PADI1: variants seen among roughly 807,000 people sequenced by gnomAD.
PADI1 encodes the protein peptidyl arginine deiminase 1.
A neutral mutation model predicts 74.8 loss-of-function variants in PADI1; 65 were observed. That is an observed-to-expected ratio of 0.87 (90% CI 0.71 to 1.07). The LOEUF is 1.07. Among genes scored for constraint, PADI1 ranks in the 50% least tolerant of loss-of-function variants. The probability of loss-of-function intolerance (pLI) is 0.00; values close to 1 mark genes in which losing one functional copy is unlikely to be tolerated. For missense variants in PADI1, 943 were observed against 854.0 expected, an observed-to-expected ratio of 1.10 and a Z score of -1.30; for synonymous variants, 371 against 336.2, an observed-to-expected ratio of 1.10 and a Z score of -1.13.
chr1:17,205,231 G>T lies in PADI1; in HGVS notation c.14G>T (p.Arg5Ile), dbSNP rs760564821. The T allele has an allele frequency of 3.0e-5, 49 of 1,613,960 alleles. No individual in the cohort carries two copies. The highest frequency in any genetic ancestry group is 4.4e-5 in the South Asian group (4 of 91,070). MAPK[R>I]VVQLSLKMPT... ...CCAGGTGACAGGATGGCCCCAAAGAGAGTTGTGCAGCTGTCCCTGAAGATG... is the reference window on the plus strand; with the variant it reads ...CCAGGTGACAGGATGGCCCCAAAGATAGTTGTGCAGCTGTCCCTGAAGATG... Residue 5 changes from arginine (R) to isoleucine (I), a missense_variant, in exon 1 of 16, where the codon AGA (arginine) becomes ATA (isoleucine). Physicochemically the swap from Arg to Ile is moderately conservative, Grantham distance 97. Coordinates refer to ENST00000375471, the MANE Select transcript of PADI1 (RefSeq NM_013358.3).
At chr1:17,223,351 G>A (rs913286542) in intron 2 of PADI1, 10 of 475,386 alleles carry the variant, frequency 2.1e-5, no homozygotes, top group Non-Finnish European at 3.4e-5. Flanking sequence ...GCTGGGAGCT[G>A]CCCCACCTTT....
In PADI1 at chr1:17,237,293, C is replaced by T. The variant is rs764784748; in HGVS notation, c.1314-21C>T. 1.7e-5 allele frequency: 27 copies of T among 1,588,752 alleles called. No homozygotes were observed. The African/African-American group carries it at 2.4e-4, about 14-fold the overall frequency. On this transcript the variant is annotated intron_variant, in intron 11 of 15. Coordinates refer to ENST00000375471, the MANE Select transcript of PADI1 (RefSeq NM_013358.3). The stretch of plus-strand genomic sequence containing the variant: ...GCCTCTCAGGCACAAGGTGACTGCC[C>T]GCCCTCTCCCTCCTGGCCAGGTCCG...
At chr1:17,219,367 G>A (rs551899248) in intron 1 of PADI1, among the ~76,000 whole-genome samples, 2 of 152,186 alleles carry the variant, frequency 1.3e-5, no homozygotes, top group Non-Finnish European at 2.9e-5. Context: ...TGGGCTGAAG[G>A]TTTGGTTGCA....
intron 1 of PADI1, among the ~76,000 whole-genome samples, chr1:17,215,169 C>T (rs530957118): frequency 6.6e-6 from 1 of 152,254 alleles, no homozygotes; most frequent in Admixed American, 6.5e-5. Flanking sequence ...CCTGACCCCT[C>T]TAGGCACTGC....
intron 1 of PADI1, among the ~76,000 whole-genome samples, chr1:17,217,337 C>T (rs142894268): frequency 6.6e-6 from 1 of 152,208 alleles, no homozygotes; most frequent in East Asian, 1.9e-4. Flanking sequence ...TCTCCTAGAC[C>T]AGTTCAGGGC....
At chr1:17,210,322 A>G (rs1475462369) in intron 1 of PADI1, among the ~76,000 whole-genome samples, 1 of 151,894 alleles carries the variant, frequency 6.6e-6, no homozygotes, top group East Asian at 1.9e-4. Flanking sequence ...GCGCCCGGCC[A>G]ATTTTTTTCC....
Position 17,237,306 on chromosome 1 carries a change from C to T in PADI1, c.1314-8C>T. On this transcript the variant is annotated splice_region_variant and splice_polypyrimidine_tract_variant and intron_variant, in intron 11 of 15. Transcript: ENST00000375471. ...AAGGTGACTGCCCGCCCTCTCCCTC[C>T]TGGCCAGGTCCGGTGGGCGGCAGAT... The T allele has an allele frequency of 6.2e-7, 1 of 1,604,224 alleles. No individual in the cohort carries two copies. The highest frequency in any genetic ancestry group is 1.3e-5 in the African/African-American group (1 of 74,664).
intron 1 of PADI1, among the ~76,000 whole-genome samples, chr1:17,219,422 A>G (rs2072072712): frequency 1.3e-5 from 2 of 152,092 alleles, no homozygotes; most frequent in Non-Finnish European, 1.5e-5. Flanking sequence ...GCGGTGTCCG[A>G]GTGGGTTGCT....
At chr1:17,227,417 G>C (rs575556019) in intron 6 of PADI1, among the ~76,000 whole-genome samples, 2 of 151,068 alleles carry the variant, frequency 1.3e-5, no homozygotes, top group African/African-American at 4.9e-5. Context: ...TGTAGTCCCA[G>C]CTACTCTGAA....
At chr1:17,240,259 A>C (rs1464087472) in intron 14 of PADI1, 1 of 239,270 alleles carries the variant, frequency 4.2e-6, no homozygotes, top group East Asian at 9.3e-5. Flanking sequence ...GTCGGTGCTC[A>C]GTTAATGGCA....
intron 1 of PADI1, among the ~76,000 whole-genome samples, chr1:17,216,692 G>A (rs534600833): frequency 2.6e-3 from 402 of 152,148 alleles, no homozygotes; most frequent in Non-Finnish European, 4.3e-3. Flanking sequence ...CCAACATGGC[G>A]AAACCCCATC....
At position 17,223,654 on chromosome 1, in the gene PADI1, C is replaced by G; in HGVS notation, c.307C>G (p.Gln103Glu). ...RVSYFGEQED[Q>E]ALGRSVLYLT... ...CTCCTACTTTGGGGAGCAGGAAGAC[C>G]AAGCTCTGGGCCGCAGCGTGCTTTA... is the stretch of plus-strand genomic sequence containing the variant. The change falls in exon 3 of 16, where the codon CAA (glutamine) becomes GAA (glutamate). Residue 103 changes from glutamine (Q) to glutamate (E), a missense_variant. By Grantham distance (29) the Gln-to-Glu change is conservative. Transcript: ENST00000375471. The G allele has an allele frequency of 6.2e-7, 1 of 1,614,102 alleles. No homozygotes were observed. Among genetic ancestry groups the G allele is most frequent in the Non-Finnish European group, 8.5e-7 (1 of 1,179,994 alleles).
Position 17,230,684 on chromosome 1 carries a change from G to A in PADI1, c.1161+5G>A, listed in dbSNP as rs367865396. ...TTCCCCTATAAGAGGATCCTGGTACGTAGCGACAGGTAGAGTGCAGAAACC... is the reference window on the plus strand; with the variant it reads ...TTCCCCTATAAGAGGATCCTGGTACATAGCGACAGGTAGAGTGCAGAAACC... On this transcript the variant is annotated splice_donor_5th_base_variant and intron_variant, in intron 10 of 15. Transcript: ENST00000375471. 56 of 1,524,894 alleles carry A rather than the reference G, an allele frequency of 3.7e-5. No individual in the cohort carries two copies. The highest frequency in any genetic ancestry group is 4.8e-5 in the Non-Finnish European group (53 of 1,103,172). 94.5% of individuals were successfully genotyped at this position (1,524,894 alleles called of 1,614,324 possible). A position where few individuals can be genotyped will look rare whatever the true frequency, so the allele number is the denominator to read the frequency against.
At chr1:17,226,779 G>A (rs1386906962) in intron 6 of PADI1, among the ~76,000 whole-genome samples, 2 of 152,098 alleles carry the variant, frequency 1.3e-5, no homozygotes, top group African/African-American at 4.8e-5. Context: ...GCCGGGCACG[G>A]TGGCTCACAC....
chr1:17,228,490 A>G (rs964570473), intron 6 of PADI1, 135 bp from the exon 7 acceptor site: 130 of 812,196 alleles, frequency 1.6e-4, no homozygotes, highest in African/African-American at 3.4e-5. Context: ...AGCTAAGGCC[A>G]TGCAGCTTGC....
intron 11 of PADI1, among the ~76,000 whole-genome samples, chr1:17,235,052 G>A (rs1452353442): frequency 6.6e-6 from 1 of 151,640 alleles, no homozygotes; most frequent in African/African-American, 2.4e-5. Flanking sequence ...AGGAGGCAGA[G>A]GTTGCGCTGA....
intron 1 of PADI1, among the ~76,000 whole-genome samples, chr1:17,210,625 C>A (rs192128454): frequency 7.9e-5 from 12 of 152,106 alleles, no homozygotes; most frequent in African/African-American, 2.6e-4. Context: ...CATAAGGCAC[C>A]CACTAGTGTG....
rs139040453 is a variant in PADI1 at position 17,227,822 on chromosome 1, A to G, written c.653-803A>G. Among the ~76,000 whole-genome samples, 104 of 152,344 alleles carry G rather than the reference A, an allele frequency of 6.8e-4. No homozygotes were observed. The Middle Eastern group carries it at 0.02, about 30-fold the overall frequency. Reference sequence around the variant, plus strand: ...ACCAGGGCGTAAGCAAAGTCTCGACAAGTGAATGGATAGCCTCTCTTGCCG... The same window carrying G: ...ACCAGGGCGTAAGCAAAGTCTCGACGAGTGAATGGATAGCCTCTCTTGCCG... On this transcript the variant is annotated intron_variant, in intron 6 of 15. Coordinates refer to ENST00000375471, the MANE Select transcript of PADI1 (RefSeq NM_013358.3).
At chr1:17,218,664 A>G (rs2072044749) in intron 1 of PADI1, among the ~76,000 whole-genome samples, 1 of 152,160 alleles carries the variant, frequency 6.6e-6, no homozygotes, top group South Asian at 2.1e-4. Context: ...CGCAAAGAGA[A>G]GAAATAATTG....
Sources: allele counts gnomAD v4.1 joint callset (sites outside exome capture counted in the v4.1 genomes callset), GRCh38; gene constraint gnomAD v4.1.1; transcripts MANE v1.5; gene names NCBI Gene and HGNC (gene_info 2026-07-23, HGNC 2026-07-21).